Variants in NTNG1 observed in about 807,000 individuals in gnomAD.
The protein encoded by NTNG1 is netrin-G1.
NTNG1 carries 16 observed loss-of-function variants against 54.0 expected under a neutral mutation model. The observed-to-expected ratio is 0.30, with a 90% CI of 0.20 to 0.45. NTNG1 has a LOEUF of 0.45. Among genes scored for constraint, NTNG1 ranks in the 20% least tolerant of loss-of-function variants. The probability of loss-of-function intolerance (pLI) is 1.00; values close to 1 mark genes in which losing one functional copy is unlikely to be tolerated. For synonymous variants in NTNG1, 255 were observed against 263.1 expected (o/e 0.97, Z 0.30); for missense variants, 530 against 678.7 (o/e 0.78, Z 2.43).
chr1:107,435,041 C>T (rs892437411), intron 6 of NTNG1, among the ~76,000 whole-genome samples: 1 of 151,868 alleles, frequency 6.6e-6, no homozygotes, highest in African/African-American at 2.4e-5. Context: ...TTTTTTGCCT[C>T]TAAAATCTTA....
intron 3 of NTNG1, among the ~76,000 whole-genome samples, chr1:107,384,498 TCA>T (rs1298384454): frequency 2.6e-5 from 4 of 152,154 alleles, no homozygotes. Context: ...GATCAAAATC[TCA>T]GTTTTTAGTT....
Position 107,433,841 on chromosome 1 carries a change from G to T in NTNG1, c.1256-2824G>T, listed in dbSNP as rs115642878. On this transcript the variant is annotated intron_variant, in intron 6 of 7. Transcript: ENST00000370068. ...ACTAGGCTGGAGTTTGCCCTCTCAG[G>T]GCCGTTGGAAGCCTCTGGCTCCTTT... is the stretch of plus-strand genomic sequence containing the variant. 5.7e-3 allele frequency among the ~76,000 whole-genome samples: 869 copies of T among 152,284 alleles called. 13 individuals are homozygous for T. Among genetic ancestry groups the T allele is most frequent in the African/African-American group, 0.02 (830 of 41,564 alleles).
intron 3 of NTNG1, among the ~76,000 whole-genome samples, chr1:107,355,750 T>C (rs1047926087): frequency 1.3e-5 from 2 of 152,154 alleles, no homozygotes; most frequent in Non-Finnish European, 2.9e-5. Context: ...GTTTCCTTCT[T>C]TATTTAGGGT....
intron 2 of NTNG1, among the ~76,000 whole-genome samples, chr1:107,300,263 C>T (rs1453645402): frequency 2.6e-5 from 4 of 152,202 alleles, no homozygotes; most frequent in Non-Finnish European, 5.9e-5. Context: ...TGGCTCGTCA[C>T]ATGCCACGTT....
chr1:107,460,408 G>A (rs763693531), intron 7 of NTNG1: 1 of 518,774 alleles, frequency 1.9e-6, no homozygotes, highest in South Asian at 1.4e-5. Flanking sequence ...TACCAGGCAG[G>A]ACAGATTTTA....
chr1:107,377,359 C>A, intron 3 of NTNG1, among the ~76,000 whole-genome samples: 1 of 152,180 alleles, frequency 6.6e-6, no homozygotes, highest in East Asian at 1.9e-4. Context: ...AAGAGAACTC[C>A]TTTATCCCTC....
At chr1:107,480,467 T>C in intron 7 of NTNG1, 144 bp from the exon 8 acceptor site, 1 of 596,824 alleles carries the variant, frequency 1.7e-6, no homozygotes, top group Non-Finnish European at 3.0e-6. Context: ...GTCACGGGCT[T>C]CGTTTGTGGA....
intron 2 of NTNG1, among the ~76,000 whole-genome samples, chr1:107,269,209 A>G (rs1570545467): frequency 6.6e-6 from 1 of 152,234 alleles, no homozygotes; most frequent in East Asian, 1.9e-4. Flanking sequence ...GGCTTCTACT[A>G]CATCTTCAAG....
At chr1:107,168,854 T>A (rs1656005606) in intron 2 of NTNG1, among the ~76,000 whole-genome samples, 1 of 152,136 alleles carries the variant, frequency 6.6e-6, no homozygotes, top group Admixed American at 6.6e-5. Context: ...GAAAAATTGA[T>A]CAAATTGGTC....
intron 7 of NTNG1, among the ~76,000 whole-genome samples, chr1:107,471,760 T>C (rs1333717457): frequency 1.3e-5 from 2 of 152,204 alleles, no homozygotes; most frequent in African/African-American, 2.4e-5. Context: ...GATGCTGTCT[T>C]TGAGGAAGGA....
chr1:107,295,256 G>T (rs747699583), intron 2 of NTNG1, among the ~76,000 whole-genome samples: 1 of 152,076 alleles, frequency 6.6e-6, no homozygotes, highest in African/African-American at 2.4e-5. Context: ...GTTCCCTTTA[G>T]ATGTGATTGT....
chr1:107,190,222 C>T (rs570845358), intron 2 of NTNG1, among the ~76,000 whole-genome samples: 33 of 152,080 alleles, frequency 2.2e-4, no homozygotes, highest in African/African-American at 5.5e-4. Context: ...AATAACGTTT[C>T]GGAGAAGGAT....
At chr1:107,300,038 G>T (rs557203115) in intron 2 of NTNG1, among the ~76,000 whole-genome samples, 15 of 152,282 alleles carry the variant, frequency 9.9e-5, no homozygotes, top group African/African-American at 3.6e-4. Context: ...CTGTAGAAAT[G>T]AATTCTATAG....
chr1:107,430,718 A>G, intron 5 of NTNG1, 32 bp from the exon 6 acceptor site: 1 of 1,610,352 alleles, frequency 6.2e-7, no homozygotes, highest in Non-Finnish European at 8.5e-7. Flanking sequence ...TACTGTATAC[A>G]CTCTGTATAC....
rs553783406 is a variant in NTNG1 at position 107,394,214 on chromosome 1, T to A, written c.888-940T>A. ...CCATTCTGTCAATGTAGGTTTTACCTTTCCAGAGGATATGGTGTGATACAG... is the reference window on the plus strand; with the variant it reads ...CCATTCTGTCAATGTAGGTTTTACCATTCCAGAGGATATGGTGTGATACAG... On this transcript the variant is annotated intron_variant, in intron 3 of 7. Coordinates refer to ENST00000370068, the MANE Select transcript of NTNG1 (RefSeq NM_001113226.3). 8.5e-5 allele frequency among the ~76,000 whole-genome samples: 13 copies of A among 152,300 alleles called. No homozygotes were observed. In the South Asian group the frequency reaches 2.7e-3, roughly 32 times the overall value.
At chr1:107,302,911 T>C (rs1426979991) in intron 2 of NTNG1, among the ~76,000 whole-genome samples, 2 of 152,216 alleles carry the variant, frequency 1.3e-5, no homozygotes, top group African/African-American at 4.8e-5. Context: ...TGCTAATAAA[T>C]TATGGCACTT....
intron 6 of NTNG1, 25 bp downstream of exon 6, chr1:107,430,942 A>C: frequency 6.2e-7 from 1 of 1,608,018 alleles, no homozygotes; most frequent in South Asian, 1.1e-5. Context: ...AATTTCAGCT[A>C]TTCTTCTGTG....
intron 7 of NTNG1, among the ~76,000 whole-genome samples, chr1:107,443,638 CATTG>C (rs1676121570): frequency 6.6e-6 from 1 of 152,098 alleles, no homozygotes; most frequent in Non-Finnish European, 1.5e-5. Flanking sequence ...ACTTTGAATT[CATTG>C]ACAGGCAGCA....
In NTNG1 at chr1:107,433,268, G is replaced by C. The variant is rs143842373; in HGVS notation, c.1255+2351G>C. 3.3e-5 allele frequency among the ~76,000 whole-genome samples: 5 copies of C among 152,308 alleles called. No individual in the cohort carries two copies. The East Asian group carries it at 7.7e-4, about 24-fold the overall frequency. On this transcript the variant is annotated intron_variant, in intron 6 of 7. Transcript: ENST00000370068. ...ATTAAAGTTAGCTACATTAGGCCAG[G>C]TGCAATGGCTAATGCCTGTAATCCC... is the stretch of plus-strand genomic sequence containing the variant.
Sources: allele counts gnomAD v4.1 joint callset (sites outside exome capture counted in the v4.1 genomes callset), GRCh38; gene constraint gnomAD v4.1.1; transcripts MANE v1.5; gene names NCBI Gene and HGNC (gene_info 2026-07-23, HGNC 2026-07-21).